SOX5: variants seen among roughly 807,000 people sequenced by gnomAD.
The protein encoded by SOX5 is SRY-box transcription factor 5.
SOX5 carries 9 observed loss-of-function variants against 92.0 expected under a neutral mutation model. The ratio of observed to expected loss-of-function variants is 0.10; its 90% CI spans 0.06 to 0.17. The LOEUF (loss-of-function observed/expected upper bound fraction) is 0.17, where lower values mean the gene tolerates loss of function less well. Among genes scored for constraint, SOX5 ranks in the 10% least tolerant of loss-of-function variants. SOX5 has a pLI of 1.00. For missense variants in SOX5, 642 were observed against 944.5 expected (o/e 0.68, Z 4.20); for synonymous variants, 344 against 336.3 (o/e 1.02, Z -0.25).
At chr12:23,880,463 T>A (rs1365702001) in intron 2 of SOX5, among the ~76,000 whole-genome samples, 3 of 152,144 alleles carry the variant, frequency 2.0e-5, no homozygotes, top group Non-Finnish European at 4.4e-5. Flanking sequence ...AGAAAAAAAA[T>A]TCTTACCATA....
At chr12:24,174,619 T>G (rs1954598746) in intron 4 of SOX5, among the ~76,000 whole-genome samples, 1 of 152,012 alleles carries the variant, frequency 6.6e-6, no homozygotes. Context: ...GTCAGGAGTT[T>G]GAGACCAGCC....
intron 4 of SOX5, among the ~76,000 whole-genome samples, chr12:23,992,787 A>G (rs1301807844): frequency 6.6e-6 from 1 of 152,192 alleles, no homozygotes; most frequent in African/African-American, 2.4e-5. Context: ...AATAGTAATG[A>G]GCTTCCCAAA....
chr12:23,837,914 CTA>C (rs1294228748), intron 3 of SOX5, among the ~76,000 whole-genome samples: 35 of 104,880 alleles, frequency 3.3e-4, no homozygotes, highest in African/African-American at 6.6e-4. Context: ...TATTTATATA[CTA>C]TGTTTATATT....
chr12:24,014,395 C>T (rs1169415840), intron 4 of SOX5, among the ~76,000 whole-genome samples: 1 of 152,148 alleles, frequency 6.6e-6, no homozygotes, highest in Non-Finnish European at 1.5e-5. Context: ...CCTAAAGAAG[C>T]CCTGAGATTT....
chr12:23,700,428 C>T (rs770539473), intron 6 of SOX5, among the ~76,000 whole-genome samples: 2 of 152,062 alleles, frequency 1.3e-5, no homozygotes, highest in African/African-American at 2.4e-5. Flanking sequence ...ATTTAATTCT[C>T]GTAAGAGCAG....
intron 3 of SOX5, chr12:24,223,164 A>T (rs1960925392): frequency 6.6e-6 from 1 of 152,230 alleles, no homozygotes; most frequent in African/African-American, 2.4e-5. Flanking sequence ...GAACACAATA[A>T]ACTGATTGAT....
At chr12:24,492,068 TA>T (rs1201571185) in intron 1 of SOX5, among the ~76,000 whole-genome samples, 6 of 152,172 alleles carry the variant, frequency 3.9e-5, no homozygotes, top group Non-Finnish European at 8.8e-5. Context: ...CTTTTGGTCC[TA>T]ATAAAATCTT....
chr12:24,146,286 C>G (rs1951075271), intron 4 of SOX5, among the ~76,000 whole-genome samples: 1 of 151,908 alleles, frequency 6.6e-6, no homozygotes, highest in African/African-American at 2.4e-5. Context: ...ATAGTATGTT[C>G]CCTAACTATC....
intron 1 of SOX5, among the ~76,000 whole-genome samples, chr12:24,463,040 A>C (rs1283445211): frequency 2.0e-5 from 3 of 152,124 alleles, no homozygotes; most frequent in Non-Finnish European, 4.4e-5. Context: ...TAACACAGTG[A>C]GACTCTGTCT....
chr12:24,389,332 A>C (rs1315372963), intron 1 of SOX5, among the ~76,000 whole-genome samples: 2 of 152,214 alleles, frequency 1.3e-5, no homozygotes, highest in African/African-American at 4.8e-5. Context: ...TATATGTGCC[A>C]CATTTTCTTA....
chr12:24,108,395 A>G (rs1316792875), intron 4 of SOX5, among the ~76,000 whole-genome samples: 4 of 152,172 alleles, frequency 2.6e-5, no homozygotes, highest in Non-Finnish European at 5.9e-5. Context: ...CATCACTGAA[A>G]AATGTAGCTT....
At chr12:24,085,637 T>A (rs1278073634) in intron 4 of SOX5, among the ~76,000 whole-genome samples, 1 of 152,126 alleles carries the variant, frequency 6.6e-6, no homozygotes, top group Non-Finnish European at 1.5e-5. Flanking sequence ...ACTACTATTT[T>A]CTTATGTAAT....
At chr12:23,669,670 T>C (rs1401851948) in intron 6 of SOX5, among the ~76,000 whole-genome samples, 1 of 151,054 alleles carries the variant, frequency 6.6e-6, no homozygotes, top group Non-Finnish European at 1.5e-5. Flanking sequence ...AAGAAATATT[T>C]AAGAAAAAAA....
At chr12:24,309,105 A>T (rs1040367487) in intron 2 of SOX5, among the ~76,000 whole-genome samples, 2 of 152,248 alleles carry the variant, frequency 1.3e-5, no homozygotes, top group Non-Finnish European at 2.9e-5. Flanking sequence ...CAGTAGAATT[A>T]TGATATCCTT....
intron 1 of SOX5, among the ~76,000 whole-genome samples, chr12:24,497,368 G>C (rs2138069257): frequency 6.6e-6 from 1 of 152,314 alleles, no homozygotes; most frequent in South Asian, 2.1e-4. Flanking sequence ...TAAGATGCCA[G>C]GCAGAGTGTC....
chr12:24,082,404 G>GAAAAAAAAA (rs58736325), intron 4 of SOX5, among the ~76,000 whole-genome samples: 12 of 73,388 alleles, frequency 1.6e-4, no homozygotes, highest in Non-Finnish European at 2.2e-4. Context: ...CTTTCGAAAA[G>GAAAAAAAAA]AAAAAAAAAA....
At chr12:23,984,211 C>A (rs1949855628) in intron 4 of SOX5, among the ~76,000 whole-genome samples, 1 of 152,054 alleles carries the variant, frequency 6.6e-6, no homozygotes, top group Admixed American at 6.6e-5. Flanking sequence ...ACAATCCTTG[C>A]CATAAAGAAG....
intron 1 of SOX5, among the ~76,000 whole-genome samples, chr12:24,409,635 A>T (rs929156278): frequency 2.0e-5 from 3 of 152,162 alleles, no homozygotes; most frequent in South Asian, 2.1e-4. Flanking sequence ...CCTGTTTTGC[A>T]GAATTTTACA....
At chr12:24,199,488 G>A (rs950960404) in intron 4 of SOX5, among the ~76,000 whole-genome samples, 2 of 152,184 alleles carry the variant, frequency 1.3e-5, no homozygotes, top group Non-Finnish European at 2.9e-5. Context: ...AAGGGTGAAA[G>A]CTTCTAACCT....
Sources: allele counts gnomAD v4.1 joint callset (sites outside exome capture counted in the v4.1 genomes callset), GRCh38; gene constraint gnomAD v4.1.1; transcripts MANE v1.5; gene names NCBI Gene and HGNC (gene_info 2026-07-23, HGNC 2026-07-21).